Variants in CCDC7 observed in about 807,000 individuals in gnomAD.
The protein encoded by CCDC7 is coiled-coil domain-containing protein 7.
CCDC7 carries 183 observed loss-of-function variants against 196.9 expected under a neutral mutation model. The ratio of observed to expected loss-of-function variants is 0.93; its 90% CI spans 0.82 to 1.05. CCDC7 has a LOEUF of 1.05. Among genes scored for constraint, CCDC7 ranks in the 50% least tolerant of loss-of-function variants. CCDC7 has a pLI of 0.00. For synonymous variants in CCDC7, 525 were observed against 484.6 expected (o/e 1.08, Z -1.10); for missense variants, 1,540 against 1,482.2 (o/e 1.04, Z -0.64).
At chr10:32,623,855 A>C (rs1414159466) in intron 18 of CCDC7, 5 of 454,426 alleles carry the variant, frequency 1.1e-5, no homozygotes, top group South Asian at 8.2e-5. Flanking sequence ...GAGAGGTGCT[A>C]CACACGTGAA....
At chr10:32,515,931 G>C (rs373965060) in intron 9 of CCDC7, among the ~76,000 whole-genome samples, 24 of 152,220 alleles carry the variant, frequency 1.6e-4, no homozygotes, top group African/African-American at 5.3e-4. Flanking sequence ...AAGAAGCATA[G>C]GAGTAAATCT....
intron 28 of CCDC7, among the ~76,000 whole-genome samples, chr10:32,778,563 T>C (rs2080501512): frequency 6.6e-6 from 1 of 152,240 alleles, no homozygotes; most frequent in African/African-American, 2.4e-5. Flanking sequence ...ACCAGTACAA[T>C]GCTGTTTTGG....
intron 3 of CCDC7, 35 bp downstream of exon 4, chr10:32,456,369 A>T (rs544334165): frequency 3.6e-5 from 51 of 1,431,500 alleles, no homozygotes; most frequent in Non-Finnish European, 4.8e-5. Context: ...AGTATAAAAT[A>T]TCAAACTTGT....
intron 18 of CCDC7, among the ~76,000 whole-genome samples, chr10:32,621,636 A>G (rs1234713955): frequency 6.6e-6 from 1 of 152,102 alleles, no homozygotes; most frequent in Non-Finnish European, 1.5e-5. Flanking sequence ...TGATGGTGTA[A>G]CCTCCACTCC....
intron 29 of CCDC7, among the ~76,000 whole-genome samples, chr10:32,789,808 C>A (rs1389461182): frequency 6.6e-6 from 1 of 152,102 alleles, no homozygotes; most frequent in Non-Finnish European, 1.5e-5. Flanking sequence ...CTTTCTTTTG[C>A]CCCCTTTGTG....
chr10:32,487,507 G>T (rs947877316), intron 8 of CCDC7, among the ~76,000 whole-genome samples: 17 of 152,344 alleles, frequency 1.1e-4, no homozygotes, highest in African/African-American at 3.4e-4. Context: ...TCTCCGTCCA[G>T]CTTTGTTCCA....
intron 16 of CCDC7, among the ~76,000 whole-genome samples, chr10:32,575,171 G>GT (rs1313090775): frequency 6.6e-6 from 1 of 152,146 alleles, no homozygotes; most frequent in African/African-American, 2.4e-5. Context: ...GTCAAGGAAG[G>GT]TATTAACAAT....
intron 31 of CCDC7, among the ~76,000 whole-genome samples, chr10:32,822,034 G>T (rs1416109006): frequency 2.0e-5 from 3 of 151,486 alleles, no homozygotes; most frequent in African/African-American, 7.3e-5. Context: ...TAATTTTATT[G>T]CTAGCAAAAC....
At chr10:32,491,476 A>G (rs1311740886) in intron 8 of CCDC7, among the ~76,000 whole-genome samples, 4 of 152,138 alleles carry the variant, frequency 2.6e-5, no homozygotes, top group Admixed American at 2.6e-4. Context: ...GGTTAGCTAG[A>G]TCCTTCCCAT....
intron 41 of CCDC7, among the ~76,000 whole-genome samples, chr10:32,862,494 A>G (rs2094036068): frequency 1.3e-5 from 2 of 151,974 alleles, no homozygotes; most frequent in Admixed American, 6.6e-5. Context: ...GCAGCAAACC[A>G]CATGTATACC....
intron 18 of CCDC7, among the ~76,000 whole-genome samples, chr10:32,626,380 T>C (rs139445144): frequency 6.6e-6 from 1 of 152,150 alleles, no homozygotes; most frequent in East Asian, 1.9e-4. Flanking sequence ...AAAATGTACA[T>C]TCAGTCCCAT....
At chr10:32,762,495 C>G (rs531792205) in intron 28 of CCDC7, among the ~76,000 whole-genome samples, 4 of 151,626 alleles carry the variant, frequency 2.6e-5, no homozygotes, top group African/African-American at 7.2e-5. Context: ...TCTATAACTT[C>G]TATGGAATCA....
chr10:32,485,469 A>G (rs2040863644), intron 8 of CCDC7, among the ~76,000 whole-genome samples: 1 of 152,056 alleles, frequency 6.6e-6, no homozygotes, highest in Admixed American at 6.6e-5. Flanking sequence ...TGAATTTTTG[A>G]AGGGTTTTTT....
chr10:32,458,505 A>AC (rs2034893264), intron 3 of CCDC7, among the ~76,000 whole-genome samples: 1 of 142,376 alleles, frequency 7.0e-6, no homozygotes, highest in Non-Finnish European at 1.5e-5. Context: ...TTTTAAAGAG[A>AC]CAAGGTCTCA....
chr10:32,807,817 G>A (rs1301477990), intron 30 of CCDC7, among the ~76,000 whole-genome samples: 1 of 151,814 alleles, frequency 6.6e-6, no homozygotes, highest in Admixed American at 6.6e-5. Flanking sequence ...TTTTTCCTCT[G>A]CCTCCTGGGT....
At chr10:32,849,644 A>C (rs1393582677) in intron 39 of CCDC7, among the ~76,000 whole-genome samples, 1 of 148,526 alleles carries the variant, frequency 6.7e-6, no homozygotes, top group Non-Finnish European at 1.5e-5. Context: ...TGGAGGTTGC[A>C]GTGAGCCGAG....
chr10:32,593,923 C>T lies in CCDC7; in HGVS notation c.1801+9619C>T, dbSNP rs996360466. Among the ~76,000 whole-genome samples, 8 of 152,126 alleles carry T rather than the reference C, an allele frequency of 5.3e-5. No individual in the cohort carries two copies. In the South Asian group the frequency reaches 1.7e-3, roughly 32 times the overall value. ...ACTGGTGTATCTCTCTCTTTTGGTACCTGTACCATGCTGTTTTGGTTACTG... is the reference window on the plus strand; with the variant it reads ...ACTGGTGTATCTCTCTCTTTTGGTATCTGTACCATGCTGTTTTGGTTACTG... On this transcript the variant is annotated intron_variant, in intron 18 of 41. Transcript: ENST00000639629.
At chr10:32,795,018 C>T (rs1440452132) in intron 29 of CCDC7, among the ~76,000 whole-genome samples, 1 of 152,088 alleles carries the variant, frequency 6.6e-6, no homozygotes, top group Non-Finnish European at 1.5e-5. Context: ...CCCATTTAGT[C>T]TTGGCATCTG....
chr10:32,490,535 G>T (rs555505784), intron 8 of CCDC7, among the ~76,000 whole-genome samples: 46 of 152,240 alleles, frequency 3.0e-4, no homozygotes, highest in African/African-American at 1.1e-3. Context: ...AGTGGCTCAC[G>T]CCTGTAATCC....
Sources: gnomAD v4.1 joint callset for allele counts (sites outside exome capture counted in the v4.1 genomes callset) on GRCh38, gnomAD v4.1.1 for gene constraint, MANE v1.5 for transcripts, NCBI Gene and HGNC (gene_info 2026-07-23, HGNC 2026-07-21) for gene names.